The following ST3GAL4 variants were observed in gnomAD, a reference collection of about 807,000 sequenced individuals.
ST3GAL4 encodes ST3 beta-galactoside alpha-2,3-sialyltransferase 4.
ST3GAL4 carries 24 observed loss-of-function variants against 42.6 expected under a neutral mutation model. The observed-to-expected ratio is 0.56, with a 90% CI of 0.41 to 0.79. ST3GAL4 has a LOEUF of 0.79. Among genes scored for constraint, ST3GAL4 ranks in the 30% least tolerant of loss-of-function variants. The pLI is 0.00. For missense variants in ST3GAL4, 311 were observed against 430.8 expected (o/e 0.72, Z 2.46); for synonymous variants, 135 against 163.2 (o/e 0.83, Z 1.32).
intron 1 of ST3GAL4, among the ~76,000 whole-genome samples, chr11:126,390,610 GTTCT>G (rs963469770): frequency 2.3e-4 from 18 of 79,794 alleles, no homozygotes; most frequent in Non-Finnish European, 3.9e-4. Context: ...GCCTTTTTGT[GTTCT>G]TTGCTTTTTT....
At chr11:126,394,086 T>C (rs1953626781) in intron 1 of ST3GAL4, among the ~76,000 whole-genome samples, 1 of 152,236 alleles carries the variant, frequency 6.6e-6, no homozygotes, top group East Asian at 1.9e-4. Context: ...CAGTCCACCA[T>C]TCTCACAGCA....
At position 126,406,337 on chromosome 11, in the gene ST3GAL4, A is replaced by C. The variant is rs1954228820; in HGVS notation, c.17-136A>C. 2 of 1,544,712 alleles carry C rather than the reference A, an allele frequency of 1.3e-6. No individual in the cohort carries two copies. Among genetic ancestry groups the C allele is most frequent in the South Asian group, 2.4e-5 (2 of 83,048 alleles). ...TACAATCAGGGTCAAGCCCTCAGCC[A>C]GGGCCAGGAGAGGGCCAGAGACTGC... On this transcript the variant is annotated intron_variant, in intron 2 of 10. Coordinates refer to ENST00000444328, the MANE Select transcript of ST3GAL4 (RefSeq NM_001254757.2). This position sits in a 1 kb window ranked among gnomAD's most constrained non-coding sequence, Gnocchi z 5.4.
chr11:126,366,522 C>G lies in ST3GAL4; in HGVS notation c.-61+10680C>G, dbSNP rs909093010. The stretch of plus-strand genomic sequence containing the variant: ...GGGGTGGGGCTTGCTTTCCTCACCC[C>G]GCTTCCCACGTCTTCATTGAGTCCT... On this transcript the variant is annotated intron_variant, in intron 1 of 10. Transcript: ENST00000444328. This position sits in a 1 kb window ranked among gnomAD's most constrained non-coding sequence, Gnocchi z 4.2. Among the ~76,000 whole-genome samples the G allele has an allele frequency of 6.6e-6, 1 of 152,138 alleles. No individual in the cohort carries two copies. The highest frequency in any genetic ancestry group is 1.5e-5 in the Non-Finnish European group (1 of 68,010).
rs2135492724 is a variant in ST3GAL4 at position 126,393,974 on chromosome 11, T to C, written c.-60-12122T>C. Among the ~76,000 whole-genome samples, 1 of 152,386 alleles carries C rather than the reference T, an allele frequency of 6.6e-6. No individual in the cohort carries two copies. Among genetic ancestry groups the C allele is most frequent in the South Asian group, 2.1e-4 (1 of 4,832 alleles). On this transcript the variant is annotated intron_variant, in intron 1 of 10. Transcript: ENST00000444328. The surrounding 1 kb of genome is among the most constrained non-coding windows in gnomAD (Gnocchi z 5.9). The stretch of plus-strand genomic sequence containing the variant: ...GGTACTAAATCTTTGAAATCCGGTG[T>C]GTATTTTCCACTTAAAGCACATGTC...
rs145089049 is a variant in ST3GAL4, at chr11:126,396,675, G to A, written c.-60-9421G>A. 2.6e-5 allele frequency among the ~76,000 whole-genome samples: 4 copies of A among 151,342 alleles called. No homozygotes were observed. Among genetic ancestry groups the A allele is most frequent in the Admixed American group, 6.6e-5 (1 of 15,220 alleles). On this transcript the variant is annotated intron_variant, in intron 1 of 10. Coordinates refer to ENST00000444328, the MANE Select transcript of ST3GAL4 (RefSeq NM_001254757.2). This position sits in a 1 kb window ranked among gnomAD's most constrained non-coding sequence, Gnocchi z 5.8. The stretch of plus-strand genomic sequence containing the variant: ...GGCAGGGGTGGACATCCCGGGGATC[G>A]TGGAGTCTAGGGAGCCAGTCTGCAC...
At chr11:126,402,951 C>G (rs1268059558) in intron 1 of ST3GAL4, among the ~76,000 whole-genome samples, 7 of 152,156 alleles carry the variant, frequency 4.6e-5, no homozygotes, top group African/African-American at 1.4e-4. Context: ...AGGCTGGTCC[C>G]CTTGGACATG....
In ST3GAL4 at chr11:126,388,679, T is replaced by TTTTTTTC. The variant is rs1239186575; in HGVS notation, c.-60-17415_-60-17414insTTTTCTT. 2.0e-4 allele frequency among the ~76,000 whole-genome samples: 25 copies of TTTTTTTC among 122,712 alleles called. 2 individuals are homozygous for TTTTTTTC. Among genetic ancestry groups the TTTTTTTC allele is most frequent in the South Asian group, 8.0e-4 (3 of 3,740 alleles). The allele number at this position is 122,712 out of a possible 152,430, so 80.5% of individuals were successfully genotyped here. A position where few individuals can be genotyped will look rare whatever the true frequency, so the allele number is the denominator to read the frequency against. ...TTTCTTGTTTTTTTTTTTTTTTTTTTTTCTGATTTACGTGAGCACATCATA... is the reference window on the plus strand; with the variant it reads ...TTTCTTGTTTTTTTTTTTTTTTTTTTTTTTTTCTTCTGATTTACGTGAGCACATCATA... On this transcript the variant is annotated intron_variant, in intron 1 of 10. Transcript: ENST00000444328.
chr11:126,365,668 A>C (rs1354032617), intron 1 of ST3GAL4, among the ~76,000 whole-genome samples: 1 of 152,232 alleles, frequency 6.6e-6, no homozygotes, highest in African/African-American at 2.4e-5. Context: ...TGACCCTGAA[A>C]TTGCTAAAGC....
chr11:126,374,575 A>G (rs1324643341), intron 1 of ST3GAL4, among the ~76,000 whole-genome samples: 1 of 151,764 alleles, frequency 6.6e-6, no homozygotes, highest in Non-Finnish European at 1.5e-5. Context: ...GCCTCAGAGG[A>G]GGGAGCATGC....
At position 126,400,131 on chromosome 11, in the gene ST3GAL4, A is replaced by C. The variant is rs1042846732; in HGVS notation, c.-60-5965A>C. The stretch of plus-strand genomic sequence containing the variant: ...GTCCATTTTGTGCTGCTGTAACAGA[A>C]TACCACAGATTGAGTATATTATAAT... On this transcript the variant is annotated intron_variant, in intron 1 of 10. Coordinates refer to ENST00000444328, the MANE Select transcript of ST3GAL4 (RefSeq NM_001254757.2). This position sits in a 1 kb window ranked among gnomAD's most constrained non-coding sequence, Gnocchi z 4.6. Among the ~76,000 whole-genome samples the C allele has an allele frequency of 1.3e-5, 2 of 152,160 alleles. No individual in the cohort carries two copies. The highest frequency in any genetic ancestry group is 2.9e-5 in the Non-Finnish European group (2 of 68,044).
In ST3GAL4 at chr11:126,406,905, G is replaced by T; in HGVS notation, c.102-38G>T. The T allele has an allele frequency of 6.3e-7, 1 of 1,588,430 alleles. No individual in the cohort carries two copies. The highest frequency in any genetic ancestry group is 1.1e-5 in the South Asian group (1 of 90,424). On this transcript the variant is annotated intron_variant, in intron 3 of 10. Coordinates refer to ENST00000444328, the MANE Select transcript of ST3GAL4 (RefSeq NM_001254757.2). This position sits in a 1 kb window ranked among gnomAD's most constrained non-coding sequence, Gnocchi z 5.4. ...GCCTGGAACATGGGTCCCTGGGTCT[G>T]ACTGGGGCTTCTGCCTCCTGTCCTT...
At chr11:126,357,193 G>C (rs1238848509) in intron 1 of ST3GAL4, among the ~76,000 whole-genome samples, 1 of 152,114 alleles carries the variant, frequency 6.6e-6, no homozygotes, top group Admixed American at 6.5e-5. Flanking sequence ...TCCCTGCCCT[G>C]CTCCTGGCCC....
chr11:126,408,202 TG>T lies in ST3GAL4; in HGVS notation c.437+9del. On this transcript the variant is annotated intron_variant, in intron 7 of 10. Coordinates refer to ENST00000444328, the MANE Select transcript of ST3GAL4 (RefSeq NM_001254757.2). ...GTACGATGTGGTCATCAGGTGTGTGTGACTGTCTCTTCCTACTGTTGTTTGG... is the reference window on the plus strand; with the variant it reads ...GTACGATGTGGTCATCAGGTGTGTGTACTGTCTCTTCCTACTGTTGTTTGG... 3.1e-6 allele frequency: 5 copies of T among 1,614,076 alleles called. No homozygotes were observed. Among genetic ancestry groups the T allele is most frequent in the Non-Finnish European group, 4.2e-6 (5 of 1,179,950 alleles).
At position 126,408,102 on chromosome 11, in the gene ST3GAL4, C is replaced by T; in HGVS notation, c.345C>T (p.Leu115=). ...ACCACTCCTCTTTCTATGGCAGCCTCAGGTGCCGCCGCTGTGTGGTCGTGG... is the reference window on the plus strand; with the variant it reads ...ACCACTCCTCTTTCTATGGCAGCCTTAGGTGCCGCCGCTGTGTGGTCGTGG... The part of the protein sequence containing the change: ...SSSIPKNIQS[L]RCRRCVVVGN... The change falls in exon 7 of 11, where the codon CTC becomes CTT. Residue 115 remains leucine, a synonymous_variant. Coordinates refer to ENST00000444328, the MANE Select transcript of ST3GAL4 (RefSeq NM_001254757.2). The T allele has an allele frequency of 1.2e-6, 2 of 1,613,560 alleles. No individual in the cohort carries two copies. Among genetic ancestry groups the T allele is most frequent in the African/African-American group, 1.3e-5 (1 of 75,022 alleles).
Position 126,386,215 on chromosome 11 carries a change from C to G in ST3GAL4, c.-60-19881C>G, listed in dbSNP as rs543228964. Among the ~76,000 whole-genome samples the G allele has an allele frequency of 6.6e-6, 1 of 152,194 alleles. No homozygotes were observed. Among genetic ancestry groups the G allele is most frequent in the Non-Finnish European group, 1.5e-5 (1 of 68,040 alleles). On this transcript the variant is annotated intron_variant, in intron 1 of 10. Transcript: ENST00000444328. This position sits in a 1 kb window ranked among gnomAD's most constrained non-coding sequence, Gnocchi z 4.7. ...GGCCCTCACTCTCTGCCCCTGTGCC[C>G]TGTGTTAGTGGTCCTGTGGTTGTCA... is the stretch of plus-strand genomic sequence containing the variant.
chr11:126,402,919 G>A (rs1176857098), intron 1 of ST3GAL4, among the ~76,000 whole-genome samples: 2 of 152,202 alleles, frequency 1.3e-5, no homozygotes, highest in African/African-American at 4.8e-5. Flanking sequence ...CAGCAGGTCG[G>A]GTGAGCTGGC....
intron 8 of ST3GAL4, chr11:126,408,924 G>A (rs1198106821): frequency 7.2e-6 from 3 of 414,988 alleles, no homozygotes; most frequent in East Asian, 8.3e-5. Flanking sequence ...GTCACAGGCT[G>A]AACTGTCCCA....
At chr11:126,389,746 A>ATTTTATTT (rs1368951253) in intron 1 of ST3GAL4, among the ~76,000 whole-genome samples, 1 of 151,952 alleles carries the variant, frequency 6.6e-6, no homozygotes, top group African/African-American at 2.4e-5. Context: ...TAAGTTGTTT[A>ATTTTATTT]TTTTATTTTT....
At chr11:126,402,561 C>T (rs1954053887) in intron 1 of ST3GAL4, among the ~76,000 whole-genome samples, 1 of 152,128 alleles carries the variant, frequency 6.6e-6, no homozygotes. Context: ...CCCCTCTGGT[C>T]TTCCCAGACC....
Sources: gnomAD v4.1 joint callset for allele counts (sites outside exome capture counted in the v4.1 genomes callset) on GRCh38, gnomAD v4.1.1 for gene constraint, Gnocchi (gnomAD v3.1) non-coding constraint, MANE v1.5 for transcripts, NCBI Gene and HGNC (gene_info 2026-07-23, HGNC 2026-07-21) for gene names.